Variants in FBN3 observed in about 807,000 individuals in gnomAD.
FBN3 encodes the protein fibrillin 3, also known as fibrillin-3.
Under a neutral mutation model 330.1 loss-of-function variants are expected in FBN3, and 234 were observed. That is an observed-to-expected ratio of 0.71 (90% CI 0.64 to 0.79). The LOEUF (loss-of-function observed/expected upper bound fraction) is 0.79. Among genes scored for constraint, FBN3 ranks in the 30% least tolerant of loss-of-function variants. The pLI is 0.00. For synonymous variants in FBN3, 1,458 were observed against 1,517.3 expected (o/e 0.96, Z 0.91); for missense variants, 3,606 against 3,886.9 (o/e 0.93, Z 1.92).
At chr19:8,112,830 C>A (rs1217007515) in intron 30 of FBN3, among the ~76,000 whole-genome samples, 3 of 152,200 alleles carry the variant, frequency 2.0e-5, no homozygotes, top group Non-Finnish European at 4.4e-5. Flanking sequence ...CTTTCCCACA[C>A]TTCTGTTTTC....
At chr19:8,144,435 G>T (rs1017007551) in intron 6 of FBN3, among the ~76,000 whole-genome samples, 2 of 151,508 alleles carry the variant, frequency 1.3e-5, no homozygotes, top group Admixed American at 6.6e-5. Context: ...GAGGGGGTTT[G>T]CCCATCTCAT....
intron 63 of FBN3, among the ~76,000 whole-genome samples, chr19:8,070,041 A>G (rs1332874443): frequency 6.6e-6 from 1 of 152,244 alleles, no homozygotes; most frequent in African/African-American, 2.4e-5. Flanking sequence ...GGGTACCAAT[A>G]CAGTAGTAAA....
intron 63 of FBN3, among the ~76,000 whole-genome samples, chr19:8,068,797 C>T (rs1368098496): frequency 2.6e-5 from 4 of 152,010 alleles, no homozygotes; most frequent in East Asian, 1.9e-4. Context: ...GTTGTTCATC[C>T]GCAAGGTCAG....
Position 8,083,282 on chromosome 19 carries a change from C to T in FBN3, c.7178G>A (p.Gly2393Glu), listed in dbSNP as rs745957190. The T allele has an allele frequency of 6.2e-7, 1 of 1,614,150 alleles. No homozygotes were observed. Among genetic ancestry groups the T allele is most frequent in the Non-Finnish European group, 8.5e-7 (1 of 1,180,044 alleles). The change falls in exon 57 of 64, where the codon GGG becomes GAG. Residue 2393 changes from glycine (G) to glutamate (E), a missense_variant. Gly to Glu is a moderately conservative substitution (Grantham distance 98). Coordinates refer to ENST00000600128, the MANE Select transcript of FBN3 (RefSeq NM_032447.5). ...AGTAGCAGTAGCATCCGGTGTGTAC[C>T]CGGCCTGACAGTGGCAGCGGAAGGA... ...LGSFRCHCQA[G>E]YTPDATATTC...
intron 54 of FBN3, 41 bp downstream of exon 54, chr19:8,087,036 C>T: frequency 1.3e-6 from 2 of 1,586,346 alleles, no homozygotes; most frequent in South Asian, 1.1e-5. Context: ...CTCCCTTCCA[C>T]AAGGAGTTTC....
At position 8,066,011 on chromosome 19, in the gene FBN3, G is replaced by C. The variant is rs546630879; in HGVS notation, c.8338C>G (p.His2780Asp). The C allele has an allele frequency of 1.5e-5, 24 of 1,612,892 alleles. No homozygotes were observed. The highest frequency in any genetic ancestry group is 2.0e-5 in the Non-Finnish European group (24 of 1,180,022). The change falls in exon 64 of 64, where the codon CAC (histidine) becomes GAC (aspartate). Residue 2780 changes from histidine to aspartate, a missense_variant. Transcript: ENST00000600128. ...TGGACACCCCAGGGTCCTGCCATGT[G>C]GCTCACCACCTCCAGCCGGTAGGTT... The part of the protein sequence containing the change: ...PGTYRLEVVS[H>D]MAGPWGVQPE...
chr19:8,137,382 AC>A (rs1490789722), intron 10 of FBN3, among the ~76,000 whole-genome samples: 3 of 151,422 alleles, frequency 2.0e-5, no homozygotes, highest in Non-Finnish European at 4.4e-5. Flanking sequence ...GATCCCTCCA[AC>A]CTGGAGCCTA....
intron 3 of FBN3, 103 bp from the exon 4 acceptor site, chr19:8,146,328 G>T: frequency 1.1e-6 from 1 of 904,562 alleles, no homozygotes; most frequent in Non-Finnish European, 1.7e-6. Flanking sequence ...GGACGCTGCT[G>T]GTCATCTGCA....
intron 34 of FBN3, 123 bp downstream of exon 34, chr19:8,110,722 C>T (rs1312206632): frequency 2.2e-6 from 3 of 1,334,818 alleles, no homozygotes; most frequent in Non-Finnish European, 2.1e-6. Flanking sequence ...GCCCCCCACC[C>T]CCCAGCAAGA....
At chr19:8,076,312 C>T (rs2081640418) in intron 59 of FBN3, among the ~76,000 whole-genome samples, 1 of 148,856 alleles carries the variant, frequency 6.7e-6, no homozygotes, top group Non-Finnish European at 1.5e-5. Context: ...AGTCTGTGAT[C>T]ATCTTTCTAT....
intron 54 of FBN3, 80 bp from the exon 55 acceptor site, chr19:8,086,405 G>A: frequency 1.0e-6 from 1 of 991,882 alleles, no homozygotes; most frequent in Non-Finnish European, 1.5e-6. Context: ...GGGCCCCTTT[G>A]GATCTGCCCA....
rs1261616310 is a variant in FBN3, at chr19:8,129,259, G to T, written c.2151C>A (p.Ala717=). The T allele has an allele frequency of 6.2e-7, 1 of 1,614,168 alleles. No individual in the cohort carries two copies. The highest frequency in any genetic ancestry group is 2.2e-5 in the East Asian group (1 of 44,886). ...CVCNLGYEAG[A]SGKDCTDVDE... Reference sequence around the variant, plus strand: ...GCTCACCTGTGCAGTCCTTGCCTGAGGCACCTGCCTCATAACCCAGGTTGC... The same window carrying T: ...GCTCACCTGTGCAGTCCTTGCCTGATGCACCTGCCTCATAACCCAGGTTGC... The change falls in exon 17 of 64, where the codon GCC becomes GCA. Residue 717 remains alanine (A), a synonymous_variant. Transcript: ENST00000600128. This position sits in a 1 kb window ranked among gnomAD's most constrained non-coding sequence, Gnocchi z 4.5.
chr19:8,101,102 C>T lies in FBN3; in HGVS notation c.5090-130G>A, dbSNP rs1429871084. ...CCACCTTGAACTTTTTTTGCTCTCC[C>T]CACCCTTTCCCTCCTTCCACTTATT... is the stretch of plus-strand genomic sequence containing the variant. On this transcript the variant is annotated intron_variant, in intron 40 of 63. Coordinates refer to ENST00000600128, the MANE Select transcript of FBN3 (RefSeq NM_032447.5). 6.8e-6 allele frequency: 4 copies of T among 591,888 alleles called. No individual in the cohort carries two copies. In the Admixed American group the frequency reaches 1.1e-4, roughly 16 times the overall value. The allele number at this position is 591,888 out of a possible 1,614,324, so 36.7% of individuals were successfully genotyped here. A position where few individuals can be genotyped will look rare whatever the true frequency, so the allele number is the denominator to read the frequency against.
chr19:8,082,409 C>T (rs1426678651), intron 57 of FBN3, among the ~76,000 whole-genome samples: 2 of 148,880 alleles, frequency 1.3e-5, no homozygotes, highest in African/African-American at 2.5e-5. Flanking sequence ...CTCTTTCTCC[C>T]CTTTCTCTTT....
intron 47 of FBN3, 95 bp downstream of exon 47, chr19:8,094,351 C>A (rs2082163270): frequency 3.7e-6 from 5 of 1,352,136 alleles, no homozygotes; most frequent in East Asian, 4.9e-5. Flanking sequence ...TACATCTCCA[C>A]CTTCATCACA....
rs770196568 is a variant in FBN3, at chr19:8,138,344, G to A, written c.1019-21C>T. ...TTCATCTGCAAGGAAGCAGGGTTGA[G>A]GCCAGGCCCTTGGCCCTCCCCTGTC... On this transcript the variant is annotated intron_variant, in intron 9 of 63. Transcript: ENST00000600128. The A allele has an allele frequency of 1.9e-6, 3 of 1,611,844 alleles. No homozygotes were observed. In the South Asian group the frequency reaches 3.3e-5, roughly 18 times the overall value.
chr19:8,092,108 G>A (rs902983771), intron 47 of FBN3, among the ~76,000 whole-genome samples: 2 of 151,762 alleles, frequency 1.3e-5, no homozygotes, highest in African/African-American at 4.8e-5. Flanking sequence ...AACCCGGGAG[G>A]CAGAGCTTGC....
chr19:8,141,384 A>G (rs867124210), intron 8 of FBN3, among the ~76,000 whole-genome samples: 4,581 of 146,232 alleles, frequency 0.031, 237 homozygotes, highest in African/African-American at 0.11. Context: ...AAAAAAAAAA[A>G]AGAGAGAGAC....
chr19:8,071,839 G>A (rs2081519057), intron 63 of FBN3, among the ~76,000 whole-genome samples: 1 of 117,186 alleles, frequency 8.5e-6, no homozygotes, highest in Non-Finnish European at 2.0e-5. Flanking sequence ...CGGGAGATGT[G>A]TCCCCCAGAG....
Sources: allele counts gnomAD v4.1 joint callset (sites outside exome capture counted in the v4.1 genomes callset), GRCh38; gene constraint gnomAD v4.1.1; non-coding constraint Gnocchi (gnomAD v3.1); transcripts MANE v1.5; gene names NCBI Gene and HGNC (gene_info 2026-07-23, HGNC 2026-07-21).